Variants in MAGI2 observed in about 807,000 individuals in gnomAD.
MAGI2 encodes membrane-associated guanylate kinase, WW and PDZ domain-containing protein 2.
In MAGI2, 35 loss-of-function variants were observed where a neutral mutation model predicts 133.3. That is an observed-to-expected ratio of 0.26 (90% CI 0.20 to 0.35). The LOEUF is 0.35. MAGI2 is among the 10% of genes least tolerant of loss of function. MAGI2 has a pLI of 1.00. For synonymous variants in MAGI2, 729 were observed against 710.6 expected (o/e 1.03, Z -0.41); for missense variants, 1,636 against 1,863.4 (o/e 0.88, Z 2.25).
At chr7:78,801,652 T>C (rs767684757) in intron 2 of MAGI2, among the ~76,000 whole-genome samples, 1 of 152,090 alleles carries the variant, frequency 6.6e-6, no homozygotes, top group African/African-American at 2.4e-5. Flanking sequence ...CACTTAAAAA[T>C]TGTAAAATTA....
chr7:79,099,724 G>A (rs544430591), intron 1 of MAGI2, among the ~76,000 whole-genome samples: 2 of 152,236 alleles, frequency 1.3e-5, no homozygotes, highest in African/African-American at 4.8e-5. Context: ...AGAATATGCA[G>A]TATTTGCTTT....
intron 2 of MAGI2, among the ~76,000 whole-genome samples, chr7:78,645,882 T>A (rs1483942018): frequency 2.6e-5 from 4 of 151,910 alleles, no homozygotes; most frequent in Admixed American, 2.6e-4. Context: ...GGGACCACAG[T>A]TGTGCACCAC....
intron 20 of MAGI2, among the ~76,000 whole-genome samples, chr7:78,093,032 A>T (rs940379878): frequency 4.2e-5 from 6 of 143,854 alleles, no homozygotes; most frequent in African/African-American, 1.5e-4. Context: ...GCTACTCAGG[A>T]GGCTGAGGCA....
chr7:79,232,233 A>G (rs374794428), intron 1 of MAGI2, among the ~76,000 whole-genome samples: 1 of 151,764 alleles, frequency 6.6e-6, no homozygotes, highest in Non-Finnish European at 1.5e-5. Context: ...ATGTTCATCA[A>G]GGATATTGGT....
intron 1 of MAGI2, among the ~76,000 whole-genome samples, chr7:79,349,462 TTAATAATAA>T (rs150162426): frequency 1.3e-5 from 2 of 151,368 alleles, no homozygotes; most frequent in Non-Finnish European, 3.0e-5. Flanking sequence ...ATTCTTTTAG[TTAATAATAA>T]TAATAATAAT....
intron 1 of MAGI2, among the ~76,000 whole-genome samples, chr7:79,316,518 T>C (rs1222912537): frequency 6.6e-6 from 1 of 152,224 alleles, no homozygotes; most frequent in Non-Finnish European, 1.5e-5. Context: ...TATGCATTTC[T>C]GTATTTGAAG....
At chr7:78,397,981 A>G (rs887288941) in intron 6 of MAGI2, among the ~76,000 whole-genome samples, 13 of 152,146 alleles carry the variant, frequency 8.5e-5, no homozygotes, top group Non-Finnish European at 7.3e-5. Context: ...AAAATTAAAC[A>G]CTGTCTATAA....
intron 16 of MAGI2, among the ~76,000 whole-genome samples, chr7:78,154,199 C>T (rs1348600939): frequency 6.6e-6 from 1 of 152,208 alleles, no homozygotes; most frequent in Admixed American, 6.5e-5. Context: ...CTATGGACAT[C>T]ATCAAGGACT....
chr7:79,216,479 T>C (rs1187867644), intron 1 of MAGI2, among the ~76,000 whole-genome samples: 1 of 151,980 alleles, frequency 6.6e-6, no homozygotes, highest in African/African-American at 2.4e-5. Flanking sequence ...ACTTAAGCTG[T>C]CCATGGATGG....
chr7:78,290,058 A>G (rs2151036673), intron 9 of MAGI2, among the ~76,000 whole-genome samples: 1 of 152,338 alleles, frequency 6.6e-6, no homozygotes, highest in Middle Eastern at 3.4e-3. Context: ...AACGGGCAAA[A>G]TAACCAGCTA....
At chr7:78,074,597 C>A (rs1181335975) in intron 21 of MAGI2, among the ~76,000 whole-genome samples, 1 of 152,122 alleles carries the variant, frequency 6.6e-6, no homozygotes, top group Non-Finnish European at 1.5e-5. Flanking sequence ...ATTTAATTTT[C>A]CTTTTCCATT....
intron 1 of MAGI2, among the ~76,000 whole-genome samples, chr7:79,021,560 C>T (rs1226132705): frequency 6.6e-6 from 1 of 152,128 alleles, no homozygotes; most frequent in East Asian, 1.9e-4. Context: ...TGCATGGGGC[C>T]GGTAGCCCTT....
intron 2 of MAGI2, among the ~76,000 whole-genome samples, chr7:78,719,107 T>C (rs1820007774): frequency 6.6e-6 from 1 of 152,220 alleles, no homozygotes; most frequent in Admixed American, 6.5e-5. Context: ...AGAATTTCTC[T>C]GCCTCCAGCT....
chr7:78,077,863 G>A (rs889808081), intron 21 of MAGI2, among the ~76,000 whole-genome samples: 5 of 150,784 alleles, frequency 3.3e-5, no homozygotes, highest in African/African-American at 1.2e-4. Context: ...CCGAGTACAT[G>A]GGATTATAGG....
chr7:78,148,013 G>A (rs542946622), intron 16 of MAGI2, among the ~76,000 whole-genome samples: 1 of 152,068 alleles, frequency 6.6e-6, no homozygotes, highest in Non-Finnish European at 1.5e-5. Flanking sequence ...GGTACCATAT[G>A]AATCAGCAAT....
chr7:78,209,551 G>A (rs187987905), intron 10 of MAGI2, among the ~76,000 whole-genome samples: 304 of 152,096 alleles, frequency 2.0e-3, no homozygotes, highest in Middle Eastern at 3.4e-3. Flanking sequence ...GTGAGTCACC[G>A]TGCCTGGCCT....
chr7:78,745,277 A>C (rs1225449128), intron 2 of MAGI2, among the ~76,000 whole-genome samples: 2 of 152,332 alleles, frequency 1.3e-5, no homozygotes, highest in Middle Eastern at 3.4e-3. Context: ...TAAGCGGTAG[A>C]GCTCAGATTT....
chr7:78,597,391 T>C (rs1344924023), intron 3 of MAGI2, among the ~76,000 whole-genome samples: 2 of 149,748 alleles, frequency 1.3e-5, no homozygotes, highest in Non-Finnish European at 3.0e-5. Flanking sequence ...GGGGGTCTTA[T>C]AAATAATTTT....
chr7:78,660,987 T>C (rs1812889854), intron 2 of MAGI2, among the ~76,000 whole-genome samples: 1 of 152,184 alleles, frequency 6.6e-6, no homozygotes, highest in South Asian at 2.1e-4. Flanking sequence ...GAGACTCGTT[T>C]CCTTTGGCCT....
Sources: gnomAD v4.1 joint callset for allele counts (sites outside exome capture counted in the v4.1 genomes callset) on GRCh38, gnomAD v4.1.1 for gene constraint, MANE v1.5 for transcripts, NCBI Gene and HGNC (gene_info 2026-07-23, HGNC 2026-07-21) for gene names.